The following DENND2A variants were observed in gnomAD, a reference collection of about 807,000 sequenced individuals.
The protein encoded by DENND2A is DENN domain containing 2A.
In DENND2A, 53 loss-of-function variants were observed where a neutral mutation model predicts 105.3. The observed-to-expected ratio is 0.50, with a 90% CI of 0.40 to 0.63. The LOEUF is 0.63. DENND2A is among the 30% of genes least tolerant of loss of function. The pLI, the probability that DENND2A is intolerant of heterozygous loss-of-function variation, is 0.00. For synonymous variants in DENND2A, 522 were observed against 508.4 expected (o/e 1.03, Z -0.36); for missense variants, 1,138 against 1,279.6 (o/e 0.89, Z 1.69).
chr7:140,591,866 CT>C (rs1174523268), intron 3 of DENND2A, among the ~76,000 whole-genome samples: 1 of 117,134 alleles, frequency 8.5e-6, no homozygotes, highest in Non-Finnish European at 1.7e-5. Context: ...CTTCCCTTCC[CT>C]TTCCTTCCTT....
chr7:140,573,927 G>A lies in DENND2A; in HGVS notation c.1327C>T (p.Arg443Trp), dbSNP rs933817536. The A allele has an allele frequency of 7.4e-6, 12 of 1,614,130 alleles. No homozygotes were observed. The highest frequency in any genetic ancestry group is 9.3e-6 in the Non-Finnish European group (11 of 1,180,036). The change falls in exon 6 of 20, where the codon CGG (arginine) becomes TGG (tryptophan). Residue 443 changes from arginine (R) to tryptophan (W), a missense_variant. Around this residue, in one of 2 missense-constraint regions of DENND2A, gnomAD observed 627 missense variants for 779.8 expected, o/e 0.80. Transcript: ENST00000496613. Reference protein sequence around the residue: ...FKLLDTRKLSRDGTGSPSKIS... With the variant: ...FKLLDTRKLSWDGTGSPSKIS... ...TTGGAAGGGGACCCAGTTCCATCCC[G>A]ACTCAGCTTCCTAGTGTCCAGCAGC...
chr7:140,601,259 A>G, intron 3 of DENND2A, 144 bp downstream of exon 3: 3 of 1,135,198 alleles, frequency 2.6e-6, no homozygotes, highest in South Asian at 2.0e-5. Flanking sequence ...TTAACAAAGT[A>G]TCTTAAGCTA....
At position 140,602,000 on chromosome 7, in the gene DENND2A, C is replaced by G; in HGVS notation, c.398G>C (p.Arg133Pro). The change falls in exon 3 of 20, where the codon CGG (arginine) becomes CCG (proline). Residue 133 changes from arginine (R) to proline (P), a missense_variant. Physicochemically the swap from Arg to Pro is moderately radical, Grantham distance 103. Transcript: ENST00000496613. ...TCGGCCCCAGCTAGGATCCACTTCC[C>G]GTTCTGGCTGGCTTAGGTCTTGCCC... The part of the protein sequence containing the change: ...EPGQDLSQPE[R>P]EVDPSWGRGR... 6.2e-7 allele frequency: 1 copy of G among 1,614,246 alleles called. No homozygotes were observed. Among genetic ancestry groups the G allele is most frequent in the Non-Finnish European group, 8.5e-7 (1 of 1,180,046 alleles).
chr7:140,577,781 T>C (rs1798365790), intron 5 of DENND2A, among the ~76,000 whole-genome samples: 1 of 152,184 alleles, frequency 6.6e-6, no homozygotes, highest in Non-Finnish European at 1.5e-5. Context: ...ACTGTGTCCT[T>C]GTAGTATAAA....
intron 9 of DENND2A, among the ~76,000 whole-genome samples, chr7:140,566,869 C>T (rs1174471337): frequency 6.6e-6 from 1 of 151,652 alleles, no homozygotes; most frequent in East Asian, 1.9e-4. Context: ...TTTGTCTGGC[C>T]AAACTTTTTA....
intron 1 of DENND2A, among the ~76,000 whole-genome samples, chr7:140,622,124 G>A (rs1051643493): frequency 3.3e-5 from 5 of 152,182 alleles, no homozygotes; most frequent in Non-Finnish European, 5.9e-5. Flanking sequence ...TGTGCCGGGC[G>A]TGGTGGCTCA....
chr7:140,614,342 T>C (rs1268305619), intron 1 of DENND2A, among the ~76,000 whole-genome samples: 1 of 152,106 alleles, frequency 6.6e-6, no homozygotes, highest in African/African-American at 2.4e-5. Flanking sequence ...TGGCCTCAAG[T>C]GATCCACCTG....
intron 5 of DENND2A, among the ~76,000 whole-genome samples, chr7:140,577,680 G>C (rs1263441221): frequency 1.3e-5 from 2 of 152,146 alleles, no homozygotes; most frequent in Non-Finnish European, 2.9e-5. Flanking sequence ...TTATAGGCGT[G>C]ATCCACCGCG....
chr7:140,544,852 G>C, intron 13 of DENND2A, 86 bp from the exon 14 acceptor site: 1 of 1,539,094 alleles, frequency 6.5e-7, no homozygotes, highest in Non-Finnish European at 8.8e-7. Context: ...AGGGCTCTGA[G>C]GTCCTCATCA....
intron 14 of DENND2A, among the ~76,000 whole-genome samples, chr7:140,536,552 T>C (rs1796462293): frequency 1.3e-5 from 2 of 152,204 alleles, no homozygotes; most frequent in Admixed American, 1.3e-4. Context: ...CAACAGCATT[T>C]GTGGCTATGC....
chr7:140,527,248 T>C lies in DENND2A; in HGVS notation c.2505+70A>G, dbSNP rs1796089252. 3 of 1,449,560 alleles carry C rather than the reference T, an allele frequency of 2.1e-6. No homozygotes were observed. Among genetic ancestry groups the C allele is most frequent in the Non-Finnish European group, 2.8e-6 (3 of 1,088,352 alleles). The allele number at this position is 1,449,560 out of a possible 1,614,324, so 89.8% of individuals were successfully genotyped here. A position where few individuals can be genotyped will look rare whatever the true frequency, so the allele number is the denominator to read the frequency against. On this transcript the variant is annotated intron_variant, in intron 15 of 19. Coordinates refer to ENST00000496613, the MANE Select transcript of DENND2A (RefSeq NM_015689.5). The surrounding 1 kb of genome is among the most constrained non-coding windows in gnomAD (Gnocchi z 4.9). ...GCTCTGAGAACCGCTCCATGATGCC[T>C]GCAGAGCCAGCGCCCCGCTCTGTTC...
Position 140,573,990 on chromosome 7 carries a change from C to A in DENND2A, c.1264G>T (p.Ala422Ser), listed in dbSNP as rs766403215. The change falls in exon 6 of 20, where the codon GCT becomes TCT. Residue 422 changes from alanine (A) to serine (S), a missense_variant. Ala to Ser is a moderately conservative substitution (Grantham distance 99, BLOSUM62 1). Around this residue, in one of 2 missense-constraint regions of DENND2A, gnomAD observed 627 missense variants for 779.8 expected, o/e 0.80. Coordinates refer to ENST00000496613, the MANE Select transcript of DENND2A (RefSeq NM_015689.5). The stretch of plus-strand genomic sequence containing the variant: ...CTCTCTGAATTTTGTCGGAAAAAAG[C>A]AGGTTTGGACAATGACTGCTGTGAA... The part of the protein sequence containing the change: ...TLTKQSLSKP[A>S]FFRQNSERRN... 1.2e-6 allele frequency: 2 copies of A among 1,614,078 alleles called. No individual in the cohort carries two copies. The highest frequency in any genetic ancestry group is 1.1e-5 in the South Asian group (1 of 91,068).
In DENND2A at chr7:140,565,112, A is replaced by C. The variant is rs556245066; in HGVS notation, c.1779+1974T>G. Among the ~76,000 whole-genome samples the C allele has an allele frequency of 2.6e-5, 4 of 152,332 alleles. No homozygotes were observed. In the South Asian group the frequency reaches 8.3e-4, roughly 32 times the overall value. On this transcript the variant is annotated intron_variant, in intron 9 of 19. Coordinates refer to ENST00000496613, the MANE Select transcript of DENND2A (RefSeq NM_015689.5). The stretch of plus-strand genomic sequence containing the variant: ...GGACTTGATTGTGGTGTTAGAGCAC[A>C]GTGGGCAGGATGGAAGGAAGGCTGG...
chr7:140,567,358 A>G, intron 8 of DENND2A, 85 bp from the exon 9 acceptor site: 2 of 1,209,584 alleles, frequency 1.7e-6, no homozygotes, highest in East Asian at 5.2e-5. Context: ...GAGTGAGCAA[A>G]GAGCCTGAAA....
chr7:140,562,544 C>T (rs199663825), intron 9 of DENND2A, among the ~76,000 whole-genome samples: 2 of 152,056 alleles, frequency 1.3e-5, no homozygotes, highest in Non-Finnish European at 2.9e-5. Context: ...TGCCTGTAGT[C>T]CCAGCTACTC....
rs754102168 is a variant in DENND2A at position 140,569,695 on chromosome 7, T to C, written c.1490A>G (p.Lys497Arg). 2 of 1,613,972 alleles carry C rather than the reference T, an allele frequency of 1.2e-6. No homozygotes were observed. The highest frequency in any genetic ancestry group is 1.7e-6 in the Non-Finnish European group (2 of 1,179,948). Residue 497 changes from lysine to arginine, a missense_variant, in exon 7 of 20, where the codon AAG becomes AGG. By Grantham distance (26) the Lys-to-Arg change is conservative. Transcript: ENST00000496613. ...INAIYEVRRG[K>R]KRVKRLSQSM... The stretch of plus-strand genomic sequence containing the variant: ...CTGGGACAGCCTCTTCACCCGTTTC[T>C]TTCCTCTCCGGACCTCATAAATGGC...
rs1251784194 is a variant in DENND2A, at chr7:140,523,766, T to G, written c.2548-342A>C. ...ATGTTTTGTATTTTTAGTAGTTTAG[T>G]TTCACCATGTTAGCCAGGCTGGTCT... On this transcript the variant is annotated intron_variant, in intron 16 of 19. Transcript: ENST00000496613. This position sits in a 1 kb window ranked among gnomAD's most constrained non-coding sequence, Gnocchi z 4.5. 6.6e-6 allele frequency among the ~76,000 whole-genome samples: 1 copy of G among 152,160 alleles called. No individual in the cohort carries two copies. The highest frequency in any genetic ancestry group is 1.5e-5 in the Non-Finnish European group (1 of 68,032).
intron 1 of DENND2A, among the ~76,000 whole-genome samples, chr7:140,639,717 AATCGC>A (rs1239184734): frequency 6.6e-6 from 1 of 152,210 alleles, no homozygotes; most frequent in Non-Finnish European, 1.5e-5. Flanking sequence ...CACATTCCTG[AATCGC>A]ATCTGAACAG....
chr7:140,637,647 C>T (rs73502432), intron 1 of DENND2A, among the ~76,000 whole-genome samples: 2,228 of 152,242 alleles, frequency 0.015, 39 homozygotes, highest in African/African-American at 0.051. Flanking sequence ...TGACCAGGAC[C>T]GCCCTGGGAA....
Sources: allele counts gnomAD v4.1 joint callset (sites outside exome capture counted in the v4.1 genomes callset), GRCh38; gene constraint gnomAD v4.1.1; regional missense constraint gnomAD v4.1.1; non-coding constraint Gnocchi (gnomAD v3.1); transcripts MANE v1.5; gene names NCBI Gene and HGNC (gene_info 2026-07-23, HGNC 2026-07-21).